FGGY: variants seen among roughly 807,000 people sequenced by gnomAD.
The protein encoded by FGGY is FGGY carbohydrate kinase domain containing, also known as FGGY carbohydrate kinase domain-containing protein.
A neutral mutation model predicts 71.3 loss-of-function variants in FGGY; 72 were observed. The ratio of observed to expected loss-of-function variants is 1.01; its 90% CI spans 0.84 to 1.23. The LOEUF (loss-of-function observed/expected upper bound fraction) is 1.23. Among genes scored for constraint, FGGY ranks in the 50% most tolerant of loss-of-function variants. FGGY has a pLI of 0.00. For missense variants in FGGY, 668 were observed against 682.3 expected, an observed-to-expected ratio of 0.98 and a Z score of 0.23; for synonymous variants, 251 against 250.3, an observed-to-expected ratio of 1.00 and a Z score of -0.02.
At chr1:59,481,439 G>A (rs1296921181) in intron 6 of FGGY, among the ~76,000 whole-genome samples, 1 of 152,110 alleles carries the variant, frequency 6.6e-6, no homozygotes, top group Non-Finnish European at 1.5e-5. Flanking sequence ...CCCTGTGCGA[G>A]TGCTTTCTCT....
At position 59,448,019 on chromosome 1, in the gene FGGY, G is replaced by T. The variant is rs1035814011; in HGVS notation, c.555-8942G>T. ...CTCATTTTTATCCTCACTTTCAGGG[G>T]TGGTGAGCACCACCACCTCCTGAAC... On this transcript the variant is annotated intron_variant, in intron 5 of 15. Coordinates refer to ENST00000303721, the MANE Select transcript of FGGY (RefSeq NM_018291.5). Among the ~76,000 whole-genome samples the T allele has an allele frequency of 8.6e-5, 13 of 151,846 alleles. No individual in the cohort carries two copies. In the South Asian group the frequency reaches 1.9e-3, roughly 22 times the overall value.
intron 14 of FGGY, chr1:59,699,395 A>G (rs2097691428): frequency 1.6e-5 from 16 of 985,184 alleles, no homozygotes; most frequent in South Asian, 4.7e-5. Flanking sequence ...TTTCTTTTTG[A>G]CGGTTCAGGC....
Position 59,584,823 on chromosome 1 carries a change from T to C in FGGY, c.904-22980T>C, listed in dbSNP as rs189650240. Among the ~76,000 whole-genome samples, 161 of 150,114 alleles carry C rather than the reference T, an allele frequency of 1.1e-3. 17 individuals carry two copies. The highest frequency in any genetic ancestry group is 3.8e-3 in the African/African-American group (150 of 39,832). On this transcript the variant is annotated intron_variant, in intron 8 of 15. Coordinates refer to ENST00000303721, the MANE Select transcript of FGGY (RefSeq NM_018291.5). ...AGCTGATAGGCAACTTCAGCAAAGT[T>C]TCAGGATACAAAATCAATGTGCAAA... is the stretch of plus-strand genomic sequence containing the variant.
chr1:59,754,335 A>T (rs1341689164), intron 14 of FGGY, among the ~76,000 whole-genome samples: 2 of 151,728 alleles, frequency 1.3e-5, no homozygotes, highest in Non-Finnish European at 2.9e-5. Flanking sequence ...GTCTATTCTC[A>T]TAGATTGCTC....
chr1:59,468,913 A>T (rs928420186), intron 6 of FGGY, among the ~76,000 whole-genome samples: 1 of 151,902 alleles, frequency 6.6e-6, no homozygotes, highest in African/African-American at 2.4e-5. Flanking sequence ...CTAATGAACT[A>T]ATGATAGGTA....
intron 7 of FGGY, among the ~76,000 whole-genome samples, chr1:59,519,612 A>G (rs1245456509): frequency 6.6e-6 from 1 of 152,208 alleles, no homozygotes; most frequent in Non-Finnish European, 1.5e-5. Context: ...ATTTCTAATA[A>G]TAAAATAATA....
chr1:59,505,388 A>C (rs892441153), intron 6 of FGGY, among the ~76,000 whole-genome samples: 2 of 152,044 alleles, frequency 1.3e-5, no homozygotes, highest in Admixed American at 1.3e-4. Context: ...TTGTTTCCCC[A>C]CCCCTAAACC....
At chr1:59,639,770 GT>G (rs1022778588) in intron 11 of FGGY, among the ~76,000 whole-genome samples, 8 of 152,180 alleles carry the variant, frequency 5.3e-5, no homozygotes, top group Non-Finnish European at 1.2e-4. Flanking sequence ...GAGGTCATTT[GT>G]TGCTTTAGAT....
At chr1:59,300,142 A>T (rs57815236) in intron 1 of FGGY, among the ~76,000 whole-genome samples, 5,485 of 152,282 alleles carry the variant, frequency 0.036, 310 homozygotes, top group African/African-American at 0.12. Flanking sequence ...AATAACTGAC[A>T]TCCAGTAAAC....
At chr1:59,530,881 T>C (rs2095123703) in intron 7 of FGGY, among the ~76,000 whole-genome samples, 1 of 152,190 alleles carries the variant, frequency 6.6e-6, no homozygotes. Flanking sequence ...AGGTACTAGC[T>C]TGTAAACAGA....
intron 8 of FGGY, among the ~76,000 whole-genome samples, chr1:59,565,492 G>A (rs151086116): frequency 0.019 from 2,929 of 152,274 alleles, 40 homozygotes; most frequent in Non-Finnish European, 0.029. Context: ...CACCGCGTTA[G>A]CCAGGATGGT....
intron 12 of FGGY, among the ~76,000 whole-genome samples, chr1:59,666,950 G>A (rs960108121): frequency 1.3e-5 from 2 of 152,204 alleles, no homozygotes; most frequent in African/African-American, 4.8e-5. Flanking sequence ...GGCTATAGTA[G>A]ACACTCATTA....
intron 8 of FGGY, among the ~76,000 whole-genome samples, chr1:59,566,022 G>T (rs895018932): frequency 6.6e-6 from 1 of 152,118 alleles, no homozygotes; most frequent in Non-Finnish European, 1.5e-5. Context: ...AACTCATGAA[G>T]ATGTTTTTCT....
At chr1:59,300,341 T>C (rs894664417) in intron 1 of FGGY, among the ~76,000 whole-genome samples, 3 of 152,220 alleles carry the variant, frequency 2.0e-5, no homozygotes, top group African/African-American at 4.8e-5. Context: ...ATGAGCCTTT[T>C]ATTTTCTTTT....
At chr1:59,721,945 T>C (rs1014145515) in intron 14 of FGGY, among the ~76,000 whole-genome samples, 18 of 152,344 alleles carry the variant, frequency 1.2e-4, no homozygotes, top group Non-Finnish European at 2.2e-4. Flanking sequence ...AGCACAGTAA[T>C]AGAAGCAAAG....
At chr1:59,430,611 G>A (rs1351459452) in intron 5 of FGGY, among the ~76,000 whole-genome samples, 1 of 152,096 alleles carries the variant, frequency 6.6e-6, no homozygotes, top group Non-Finnish European at 1.5e-5. Flanking sequence ...TTGCCCAGCT[G>A]CCTCTATTCC....
intron 2 of FGGY, among the ~76,000 whole-genome samples, chr1:59,322,456 C>G (rs1475122005): frequency 6.6e-6 from 1 of 152,102 alleles, no homozygotes; most frequent in Non-Finnish European, 1.5e-5. Context: ...CAGCGCTTTC[C>G]TCCGAGTTCC....
Position 59,616,240 on chromosome 1 carries a change from A to G in FGGY, c.1011+8330A>G, listed in dbSNP as rs142600316. On this transcript the variant is annotated intron_variant, in intron 9 of 15. Coordinates refer to ENST00000303721, the MANE Select transcript of FGGY (RefSeq NM_018291.5). ...GCAAAGTCTTGGAACCAAGCCAAACATCCAACAATGATAGACTGGATTAAG... is the reference window on the plus strand; with the variant it reads ...GCAAAGTCTTGGAACCAAGCCAAACGTCCAACAATGATAGACTGGATTAAG... Among the ~76,000 whole-genome samples the G allele has an allele frequency of 8.2e-3, 1,255 of 152,326 alleles. 24 individuals carry two copies. Among genetic ancestry groups the G allele is most frequent in the African/African-American group, 0.029 (1,195 of 41,574 alleles).
chr1:59,500,663 CAAA>C (rs922111998), intron 6 of FGGY, among the ~76,000 whole-genome samples: 4 of 44,770 alleles, frequency 8.9e-5, no homozygotes, highest in African/African-American at 1.8e-4. Flanking sequence ...GCCTTCTTGC[CAAA>C]AAAAAAAAAA....
Sources: allele counts gnomAD v4.1 joint callset (sites outside exome capture counted in the v4.1 genomes callset), GRCh38; gene constraint gnomAD v4.1.1; transcripts MANE v1.5; gene names NCBI Gene and HGNC (gene_info 2026-07-23, HGNC 2026-07-21).